PLPPR1: variants seen among roughly 807,000 people sequenced by gnomAD.
PLPPR1 encodes phospholipid phosphatase-related protein type 1.
PLPPR1 carries 10 observed loss-of-function variants against 33.1 expected under a neutral mutation model. The ratio of observed to expected loss-of-function variants is 0.30; its 90% CI spans 0.19 to 0.51. The LOEUF is 0.51. PLPPR1 is among the 20% of genes least tolerant of loss of function. The probability of loss-of-function intolerance (pLI) is 0.97; values close to 1 mark genes in which losing one functional copy is unlikely to be tolerated. For synonymous variants in PLPPR1, 151 were observed against 151.0 expected (o/e 1.00, Z 0.00); for missense variants, 304 against 408.1 (o/e 0.74, Z 2.20).
At chr9:101,156,114 A>C (rs1831682716) in intron 1 of PLPPR1, among the ~76,000 whole-genome samples, 1 of 152,214 alleles carries the variant, frequency 6.6e-6, no homozygotes, top group South Asian at 2.1e-4. Flanking sequence ...GTCTAAAAGG[A>C]AGATGGGAAT....
intron 1 of PLPPR1, among the ~76,000 whole-genome samples, chr9:101,086,625 T>A (rs1830679193): frequency 6.6e-6 from 1 of 152,176 alleles, no homozygotes; most frequent in Non-Finnish European, 1.5e-5. Flanking sequence ...AATCTGAGAC[T>A]CTCACCCAAC....
chr9:101,122,858 T>C (rs1346223924), intron 1 of PLPPR1, among the ~76,000 whole-genome samples: 3 of 152,252 alleles, frequency 2.0e-5, no homozygotes, highest in African/African-American at 7.2e-5. Flanking sequence ...CAAAGACTGC[T>C]GTGTTTCAGT....
intron 1 of PLPPR1, among the ~76,000 whole-genome samples, chr9:101,066,456 A>G (rs1830415803): frequency 6.7e-6 from 1 of 148,654 alleles, no homozygotes; most frequent in South Asian, 2.3e-4. Flanking sequence ...CTCCACCTTC[A>G]TGGGGTGGGG....
chr9:101,317,948 A>G (rs533631043), intron 7 of PLPPR1, among the ~76,000 whole-genome samples: 2 of 152,236 alleles, frequency 1.3e-5, no homozygotes, highest in Non-Finnish European at 2.9e-5. Context: ...TCAATGCAAC[A>G]GTACCTCCTG....
intron 1 of PLPPR1, among the ~76,000 whole-genome samples, chr9:101,177,904 A>G (rs1181561484): frequency 6.6e-6 from 1 of 152,178 alleles, no homozygotes; most frequent in African/African-American, 2.4e-5. Context: ...GATTGGTATA[A>G]TAATAGTAAG....
At chr9:101,323,953 T>A (rs1829203732) in intron 7 of PLPPR1, 72 bp from the exon 8 acceptor site, 1 of 1,303,948 alleles carries the variant, frequency 7.7e-7, no homozygotes, top group Admixed American at 1.7e-5. Flanking sequence ...AAGGGAATAT[T>A]TAGGGACAAG....
At position 101,099,005 on chromosome 9, in the gene PLPPR1, A is replaced by G. The variant is rs192463544; in HGVS notation, c.-46+69903A>G. Among the ~76,000 whole-genome samples the G allele has an allele frequency of 2.0e-5, 3 of 152,168 alleles. No homozygotes were observed. In the East Asian group the frequency reaches 5.8e-4, roughly 29 times the overall value. ...GCTCAGTCCTGGGTTCAAAGCCTAAAGGCACCAATTACTAGTTCTTTGACT... is the reference window on the plus strand; with the variant it reads ...GCTCAGTCCTGGGTTCAAAGCCTAAGGGCACCAATTACTAGTTCTTTGACT... On this transcript the variant is annotated intron_variant, in intron 1 of 7. Transcript: ENST00000374874.
intron 1 of PLPPR1, among the ~76,000 whole-genome samples, chr9:101,091,092 G>A (rs1044564646): frequency 2.0e-5 from 3 of 151,890 alleles, no homozygotes; most frequent in African/African-American, 7.3e-5. Flanking sequence ...TCAGACCCAT[G>A]CATGTACCTG....
intron 1 of PLPPR1, among the ~76,000 whole-genome samples, chr9:101,147,012 A>C (rs1831528948): frequency 6.6e-6 from 1 of 152,156 alleles, no homozygotes; most frequent in Non-Finnish European, 1.5e-5. Context: ...TTTTTAAAAC[A>C]GTGGAGTCAC....
At chr9:101,168,144 G>A (rs1181560634) in intron 1 of PLPPR1, among the ~76,000 whole-genome samples, 1 of 152,128 alleles carries the variant, frequency 6.6e-6, no homozygotes, top group Admixed American at 6.6e-5. Context: ...TGAGATTTGG[G>A]TGGGGACACA....
chr9:101,284,261 G>T lies in PLPPR1; in HGVS notation c.253-1843G>T, dbSNP rs141071310. ...TCAGTGTCTGGATTTAAAATGATGT[G>T]ACATATATGCCATTAAAAAGGCAAT... On this transcript the variant is annotated intron_variant, in intron 3 of 7. Transcript: ENST00000374874. Among the ~76,000 whole-genome samples, 125 of 152,148 alleles carry T rather than the reference G, an allele frequency of 8.2e-4. 3 individuals carry two copies. In the South Asian group the frequency reaches 0.011, roughly 14 times the overall value.
intron 1 of PLPPR1, among the ~76,000 whole-genome samples, chr9:101,082,297 T>G (rs1830629756): frequency 6.6e-6 from 1 of 152,198 alleles, no homozygotes; most frequent in South Asian, 2.1e-4. Flanking sequence ...CTCTGTTATC[T>G]CTCATATTAG....
chr9:101,185,902 TAAA>T (rs1389011793), intron 2 of PLPPR1, among the ~76,000 whole-genome samples: 4 of 152,026 alleles, frequency 2.6e-5, no homozygotes, highest in Middle Eastern at 3.4e-3. Context: ...ATTTTTTTAT[TAAA>T]AAATCAATAT....
At chr9:101,304,663 C>G (rs1828815037) in intron 4 of PLPPR1, among the ~76,000 whole-genome samples, 1 of 152,166 alleles carries the variant, frequency 6.6e-6, no homozygotes, top group African/African-American at 2.4e-5. Flanking sequence ...TATGCATGCT[C>G]TATTCATCAG....
At chr9:101,256,044 C>T (rs971104753) in intron 2 of PLPPR1, among the ~76,000 whole-genome samples, 4 of 152,122 alleles carry the variant, frequency 2.6e-5, no homozygotes, top group Non-Finnish European at 5.9e-5. Context: ...TGTTCCATTG[C>T]TAACCCATTT....
At chr9:101,078,744 C>T (rs1830580545) in intron 1 of PLPPR1, among the ~76,000 whole-genome samples, 1 of 152,026 alleles carries the variant, frequency 6.6e-6, no homozygotes, top group Non-Finnish European at 1.5e-5. Context: ...AGTACTTGCT[C>T]CAGTCTATTT....
intron 4 of PLPPR1, among the ~76,000 whole-genome samples, chr9:101,291,391 C>T (rs566669729): frequency 6.5e-4 from 99 of 152,346 alleles, no homozygotes; most frequent in Non-Finnish European, 1.2e-3. Context: ...CAGCGGTAAC[C>T]TCTGCAGACT....
At chr9:101,181,305 AAGAT>A (rs1826106419) in intron 1 of PLPPR1, among the ~76,000 whole-genome samples, 2 of 151,004 alleles carry the variant, frequency 1.3e-5, no homozygotes, top group Non-Finnish European at 1.5e-5. Flanking sequence ...AAAAAGATGA[AAGAT>A]AGTAAGTGTT....
intron 4 of PLPPR1, among the ~76,000 whole-genome samples, chr9:101,291,273 C>CA (rs1828499930): frequency 6.6e-6 from 1 of 152,222 alleles, no homozygotes; most frequent in Non-Finnish European, 1.5e-5. Flanking sequence ...CTTAGGTAAA[C>CA]AAAGCAGCCG....
Sources: allele counts gnomAD v4.1 joint callset (sites outside exome capture counted in the v4.1 genomes callset), GRCh38; gene constraint gnomAD v4.1.1; transcripts MANE v1.5; gene names NCBI Gene and HGNC (gene_info 2026-07-23, HGNC 2026-07-21).